Variants in CYP4A11 observed in about 807,000 individuals in gnomAD.
CYP4A11 encodes the protein cytochrome P450 family 4 subfamily A member 11.
CYP4A11 carries 52 observed loss-of-function variants against 57.7 expected under a neutral mutation model. The observed-to-expected ratio is 0.90, with a 90% CI of 0.72 to 1.14. The LOEUF is 1.14. Ranked by LOEUF, CYP4A11 falls within the 50% of genes most tolerant of loss-of-function variation. The pLI is 0.00. For synonymous variants in CYP4A11, 228 were observed against 247.1 expected, an observed-to-expected ratio of 0.92 and a Z score of 0.72; for missense variants, 641 against 642.1, an observed-to-expected ratio of 1.00 and a Z score of 0.02.
chr1:46,941,168 G>C, intron 1 of CYP4A11, 71 bp downstream of exon 1: 4 of 1,551,296 alleles, frequency 2.6e-6, no homozygotes, highest in Non-Finnish European at 3.5e-6. Context: ...TTGCTCTATG[G>C]ATTTTGTGAC....
At chr1:46,937,916 C>T in intron 2 of CYP4A11, 80 bp downstream of exon 2, 2 of 1,580,742 alleles carry the variant, frequency 1.3e-6, no homozygotes, top group African/African-American at 1.3e-5. Flanking sequence ...AACAGCCACT[C>T]TCTTCTGGAA....
At chr1:46,932,875 C>A in intron 10 of CYP4A11, 38 bp from the exon 11 acceptor site, 2 of 1,614,186 alleles carry the variant, frequency 1.2e-6, no homozygotes, top group Non-Finnish European at 1.7e-6. Context: ...AGTTAAGGAT[C>A]CAGCACCTAC....
At chr1:46,931,885 C>T in intron 11 of CYP4A11, 1 of 961,744 alleles carries the variant, frequency 1.0e-6, no homozygotes, top group Non-Finnish European at 1.2e-6. Flanking sequence ...TCCACCGCAA[C>T]CATTCTGGAG....
Position 46,929,922 on chromosome 1 carries a change from T to A in CYP4A11, c.*193A>T. 1.3e-6 allele frequency: 1 copy of A among 745,376 alleles called. No homozygotes were observed. The highest frequency in any genetic ancestry group is 2.7e-5 in the East Asian group (1 of 36,752). 46.2% of individuals were successfully genotyped at this position (745,376 alleles called of 1,614,324 possible). On this transcript the variant is annotated 3_prime_UTR_variant, in exon 12 of 12. Coordinates refer to ENST00000310638, the MANE Select transcript of CYP4A11 (RefSeq NM_000778.4). ...ACTCAGCTTTTCTCCCAACAAGAGA[T>A]ACAGGTGGGTAGGAGACAGGTAGAC...
chr1:46,940,822 T>G (rs1681704011), intron 1 of CYP4A11: 1 of 985,378 alleles, frequency 1.0e-6, no homozygotes, highest in African/African-American at 1.7e-5. Context: ...ATGGCATGGA[T>G]TCCTCAGATG....
chr1:46,941,091 A>G, intron 1 of CYP4A11, 148 bp downstream of exon 1: 1 of 1,414,012 alleles, frequency 7.1e-7, no homozygotes, highest in Non-Finnish European at 9.3e-7. Context: ...ATGACTGGGA[A>G]AAGCTGAGAC....
In CYP4A11 at chr1:46,935,161, G is replaced by C. The variant is rs902450649; in HGVS notation, c.636-7C>G. 6.2e-7 allele frequency: 1 copy of C among 1,612,726 alleles called. No homozygotes were observed. The highest frequency in any genetic ancestry group is 8.5e-7 in the Non-Finnish European group (1 of 1,179,088). On this transcript the variant is annotated splice_polypyrimidine_tract_variant and splice_region_variant and intron_variant, in intron 5 of 11. Transcript: ENST00000310638. ...TATGTAGGACTGAGAATTCCTGAGG[G>C]AGAGTATGAAGAAGGGACTGCAGTA... is the stretch of plus-strand genomic sequence containing the variant.
chr1:46,936,743 C>G lies in CYP4A11; in HGVS notation c.431G>C (p.Arg144Pro), dbSNP rs148717576. 6.2e-7 allele frequency: 1 copy of G among 1,613,622 alleles called. No individual in the cohort carries two copies. Among genetic ancestry groups the G allele is most frequent in the Non-Finnish European group, 8.5e-7 (1 of 1,179,904 alleles). Residue 144 changes from arginine (R) to proline (P), a missense_variant, in exon 4 of 12, where the codon CGG becomes CCG. Transcript: ENST00000310638. ...ATAGTGGAAGGCTGGGGTCAGCATC[C>G]GTCGATGCTGGAACCATGTCTGCCC... ...LNGQTWFQHR[R>P]MLTPAFHYDI...
chr1:46,930,066 A>G lies in CYP4A11; in HGVS notation c.*49T>C. On this transcript the variant is annotated 3_prime_UTR_variant, in exon 12 of 12. Transcript: ENST00000310638. Reference sequence around the variant, plus strand: ...AGAAAACAGGATATGGGCAGACAGGAAGGGGACAGAAGCGGGGGTCAGGAA... The same window carrying G: ...AGAAAACAGGATATGGGCAGACAGGGAGGGGACAGAAGCGGGGGTCAGGAA... The G allele has an allele frequency of 6.4e-7, 1 of 1,564,110 alleles. No individual in the cohort carries two copies. The highest frequency in any genetic ancestry group is 8.7e-7 in the Non-Finnish European group (1 of 1,152,906).
Position 46,941,317 on chromosome 1 carries a change from C to T in CYP4A11, c.117G>A (p.Leu39=). ...GGGCTTTGAGCAGCCACTGCCTGTGCAGGTAGAGCTGAACTGCCTTGATCA... is the reference window on the plus strand; with the variant it reads ...GGGCTTTGAGCAGCCACTGCCTGTGTAGGTAGAGCTGAACTGCCTTGATCA... ...LLLIKAVQLY[L]HRQWLLKALQ... Residue 39 remains leucine, a synonymous_variant, in exon 1 of 12, where the codon CTG becomes CTA. Coordinates refer to ENST00000310638, the MANE Select transcript of CYP4A11 (RefSeq NM_000778.4). 6.2e-7 allele frequency: 1 copy of T among 1,614,164 alleles called. No individual in the cohort carries two copies. The highest frequency in any genetic ancestry group is 8.5e-7 in the Non-Finnish European group (1 of 1,180,032).
chr1:46,937,602 T>C (rs1284266005), intron 2 of CYP4A11, among the ~76,000 whole-genome samples: 1 of 152,100 alleles, frequency 6.6e-6, no homozygotes, highest in Admixed American at 6.5e-5. Flanking sequence ...TCAATGACAA[T>C]GAATAACATA....
Position 46,934,910 on chromosome 1 carries a change from G to T in CYP4A11, c.790+90C>A, listed in dbSNP as rs1430204881. ...CTGAGTGTGTTCTGCGTTCTGCAGGGTTACTAGGGGCCTTCTCTGGCTGAG... is the reference window on the plus strand; with the variant it reads ...CTGAGTGTGTTCTGCGTTCTGCAGGTTTACTAGGGGCCTTCTCTGGCTGAG... On this transcript the variant is annotated intron_variant, in intron 6 of 11. Coordinates refer to ENST00000310638, the MANE Select transcript of CYP4A11 (RefSeq NM_000778.4). 3.2e-6 allele frequency: 5 copies of T among 1,550,628 alleles called. No individual in the cohort carries two copies. In the South Asian group the frequency reaches 5.0e-5, roughly 16 times the overall value.
Position 46,936,735 on chromosome 1 carries a change from T to G in CYP4A11, c.439A>C (p.Thr147Pro), listed in dbSNP as rs1570093117. The G allele has an allele frequency of 6.2e-7, 1 of 1,613,814 alleles. No individual in the cohort carries two copies. Among genetic ancestry groups the G allele is most frequent in the Non-Finnish European group, 8.5e-7 (1 of 1,179,956 alleles). Residue 147 changes from threonine to proline, a missense_variant, in exon 4 of 12, where the codon ACC becomes CCC. By Grantham distance (38) the Thr-to-Pro change is conservative (BLOSUM62 -1). Coordinates refer to ENST00000310638, the MANE Select transcript of CYP4A11 (RefSeq NM_000778.4). ...AGGATGTCATAGTGGAAGGCTGGGG[T>G]CAGCATCCGTCGATGCTGGAACCAT... ...QTWFQHRRML[T>P]PAFHYDILKP...
chr1:46,931,748 G>A, intron 11 of CYP4A11: 1 of 662,570 alleles, frequency 1.5e-6, no homozygotes, highest in Non-Finnish European at 1.9e-6. Context: ...CCTGTTCTGT[G>A]TAAGTGGACT....
chr1:46,936,884 G>T (rs2148462140), intron 3 of CYP4A11, 93 bp from the exon 4 acceptor site: 1 of 1,489,972 alleles, frequency 6.7e-7, no homozygotes, highest in East Asian at 2.4e-5. Context: ...GTGACAATTT[G>T]GGAGGGAGAA....
chr1:46,933,627 C>T (rs941958016), intron 9 of CYP4A11, among the ~76,000 whole-genome samples: 1 of 152,106 alleles, frequency 6.6e-6, no homozygotes, highest in Non-Finnish European at 1.5e-5. Context: ...TTGCACTGAC[C>T]CCATGAGGAA....
rs35456301 is a variant in CYP4A11 at position 46,936,815 on chromosome 1, T to TTGTG, written c.383-28_383-25dup. On this transcript the variant is annotated intron_variant, in intron 3 of 11. Coordinates refer to ENST00000310638, the MANE Select transcript of CYP4A11 (RefSeq NM_000778.4). ...CCCTAAGAGAGACATGAATGTGTGT[T>TTGTG]TGTGTGTGTGTGTGTGTGTGTGTGT... 1.0e-4 allele frequency: 146 copies of TTGTG among 1,450,690 alleles called. No individual in the cohort carries two copies. The African/African-American group carries it at 1.3e-3, about 13-fold the overall frequency. The allele number at this position is 1,450,690 out of a possible 1,614,324, so 89.9% of individuals were successfully genotyped here.
chr1:46,933,244 T>C (rs2148454976), intron 9 of CYP4A11, among the ~76,000 whole-genome samples, 197 bp from the exon 10 acceptor site: 1 of 152,292 alleles, frequency 6.6e-6, no homozygotes, highest in South Asian at 2.1e-4. Context: ...TAGACAACCA[T>C]TTATGCAGGA....
intron 3 of CYP4A11, 92 bp downstream of exon 3, chr1:46,937,210 G>C (rs1474885261): frequency 7.0e-7 from 1 of 1,429,774 alleles, no homozygotes; most frequent in East Asian, 2.3e-5. Context: ...GGTCATGATA[G>C]TGGTGGCCTC....
Sources: gnomAD v4.1 joint callset for allele counts (sites outside exome capture counted in the v4.1 genomes callset) on GRCh38, gnomAD v4.1.1 for gene constraint, MANE v1.5 for transcripts, NCBI Gene and HGNC (gene_info 2026-07-23, HGNC 2026-07-21) for gene names.